SEMA5A: variants seen among roughly 807,000 people sequenced by gnomAD.
The protein encoded by SEMA5A is semaphorin 5A.
In SEMA5A, 55 loss-of-function variants were observed where a neutral mutation model predicts 135.5. The ratio of observed to expected loss-of-function variants is 0.41; its 90% confidence interval spans 0.33 to 0.51. The LOEUF (loss-of-function observed/expected upper bound fraction) is 0.51. Among genes scored for constraint, SEMA5A ranks in the 20% least tolerant of loss-of-function variants. The pLI is 0.37. For synonymous variants in SEMA5A, 580 were observed against 546.5 expected, an observed-to-expected ratio of 1.06 and a Z score of -0.85; for missense variants, 1,290 against 1,419.9, an observed-to-expected ratio of 0.91 and a Z score of 1.47.
rs867182134 is a variant in SEMA5A, at chr5:9,257,759, G to A, written c.271-19869C>T. On this transcript the variant is annotated intron_variant, in intron 5 of 22. Transcript: ENST00000382496. Reference sequence around the variant, plus strand: ...CCACCATTACATGCATCAAGGTGGTGGTCAGGGCTTGCAGATGTTTTATTA... The same window carrying A: ...CCACCATTACATGCATCAAGGTGGTAGTCAGGGCTTGCAGATGTTTTATTA... 2.0e-5 allele frequency among the ~76,000 whole-genome samples: 3 copies of A among 152,186 alleles called. No homozygotes were observed. The South Asian group carries it at 6.2e-4, about 32-fold the overall frequency.
intron 5 of SEMA5A, among the ~76,000 whole-genome samples, chr5:9,265,853 C>G (rs1805920): frequency 0.41 from 61,989 of 151,900 alleles, 12,906 homozygotes; most frequent in South Asian, 0.47. Flanking sequence ...AAGGGCTCAG[C>G]AGGCACACCG....
chr5:9,539,428 G>T (rs6881628), intron 1 of SEMA5A, among the ~76,000 whole-genome samples: 124,648 of 152,152 alleles, frequency 0.82, 51,106 homozygotes, highest in Middle Eastern at 0.85. Context: ...GGAAATATAA[G>T]AAAAAGCCTG....
chr5:9,286,871 G>A (rs1169269465), intron 5 of SEMA5A, among the ~76,000 whole-genome samples: 1 of 152,248 alleles, frequency 6.6e-6, no homozygotes, highest in Non-Finnish European at 1.5e-5. Flanking sequence ...AGTCCCCTGA[G>A]ATCTTGGCCT....
intron 8 of SEMA5A, among the ~76,000 whole-genome samples, chr5:9,221,678 T>C (rs1579648105): frequency 6.6e-6 from 1 of 152,018 alleles, no homozygotes; most frequent in East Asian, 1.9e-4. Flanking sequence ...AGAAAGATAA[T>C]GGATAAGGCA....
At chr5:9,432,485 A>T (rs1316172926) in intron 2 of SEMA5A, among the ~76,000 whole-genome samples, 1 of 152,142 alleles carries the variant, frequency 6.6e-6, no homozygotes, top group East Asian at 1.9e-4. Flanking sequence ...TGTCTAGTTT[A>T]AACCCCTCAT....
At chr5:9,291,671 A>T (rs1399002406) in intron 5 of SEMA5A, among the ~76,000 whole-genome samples, 2 of 151,884 alleles carry the variant, frequency 1.3e-5, no homozygotes, top group East Asian at 3.9e-4. Flanking sequence ...AGTCCCTGTG[A>T]GTGGATCAAC....
chr5:9,111,102 A>C (rs1460534404), intron 15 of SEMA5A, among the ~76,000 whole-genome samples: 1 of 152,208 alleles, frequency 6.6e-6, no homozygotes, highest in Non-Finnish European at 1.5e-5. Context: ...ATTTTGAGGA[A>C]GTCAAGAAAA....
intron 13 of SEMA5A, among the ~76,000 whole-genome samples, chr5:9,135,220 G>A (rs986191260): frequency 2.9e-5 from 4 of 136,318 alleles, no homozygotes; most frequent in Non-Finnish European, 3.0e-5. Context: ...TCGCTCTGTC[G>A]CCCAGGCTGG....
At chr5:9,499,852 A>C (rs533811518) in intron 1 of SEMA5A, among the ~76,000 whole-genome samples, 22 of 152,220 alleles carry the variant, frequency 1.4e-4, no homozygotes, top group Non-Finnish European at 2.9e-4. Flanking sequence ...CAGAGCACAG[A>C]AGTGCTTCCA....
chr5:9,500,705 T>C (rs905590529), intron 1 of SEMA5A, among the ~76,000 whole-genome samples: 1 of 152,200 alleles, frequency 6.6e-6, no homozygotes, highest in Admixed American at 6.5e-5. Context: ...ATATAGGGTA[T>C]ACTTATACTG....
At chr5:9,198,529 A>T (rs1457780525) in intron 9 of SEMA5A, among the ~76,000 whole-genome samples, 1 of 152,202 alleles carries the variant, frequency 6.6e-6, no homozygotes, top group Non-Finnish European at 1.5e-5. Context: ...TCAGGAGAGC[A>T]GACAGTAAAC....
At chr5:9,391,039 C>G (rs1224528875) in intron 2 of SEMA5A, 1 of 152,200 alleles carries the variant, frequency 6.6e-6, no homozygotes, top group African/African-American at 2.4e-5. Flanking sequence ...TTGCTGTCCT[C>G]TCACTTCTAC....
At chr5:9,530,598 T>C (rs1246803479) in intron 1 of SEMA5A, among the ~76,000 whole-genome samples, 1 of 152,208 alleles carries the variant, frequency 6.6e-6, no homozygotes, top group African/African-American at 2.4e-5. Context: ...TTATTCTGGT[T>C]CACAAGCCCT....
At chr5:9,275,786 T>A (rs1383698479) in intron 5 of SEMA5A, among the ~76,000 whole-genome samples, 1 of 152,146 alleles carries the variant, frequency 6.6e-6, no homozygotes, top group African/African-American at 2.4e-5. Context: ...TTCAACAATG[T>A]TCATGCTAAA....
chr5:9,529,386 T>C (rs1737321257), intron 1 of SEMA5A, among the ~76,000 whole-genome samples: 1 of 152,240 alleles, frequency 6.6e-6, no homozygotes, highest in South Asian at 2.1e-4. Context: ...CCTGCCCCTG[T>C]GGGAAGCCAA....
chr5:9,150,971 C>T (rs1027700962), intron 12 of SEMA5A, among the ~76,000 whole-genome samples: 4 of 152,144 alleles, frequency 2.6e-5, no homozygotes, highest in African/African-American at 9.7e-5. Flanking sequence ...GCAGAAACAA[C>T]CAGTAATACA....
At chr5:9,347,711 T>C (rs1753938323) in intron 3 of SEMA5A, among the ~76,000 whole-genome samples, 1 of 152,186 alleles carries the variant, frequency 6.6e-6, no homozygotes, top group Admixed American at 6.5e-5. Context: ...CAGCTGGTGA[T>C]CAAGGCTGCT....
chr5:9,167,213 C>T (rs1223769646), intron 11 of SEMA5A, among the ~76,000 whole-genome samples: 1 of 152,148 alleles, frequency 6.6e-6, no homozygotes, highest in Non-Finnish European at 1.5e-5. Flanking sequence ...TTTGTTAGCT[C>T]GTTATGAGCT....
chr5:9,411,240 T>C (rs928980680), intron 2 of SEMA5A, among the ~76,000 whole-genome samples: 14 of 152,202 alleles, frequency 9.2e-5, no homozygotes, highest in Admixed American at 2.0e-4. Flanking sequence ...CAGAGTTTAG[T>C]AAGTCTTCTT....
Sources: gnomAD v4.1 joint callset for allele counts (sites outside exome capture counted in the v4.1 genomes callset) on GRCh38, gnomAD v4.1.1 for gene constraint, MANE v1.5 for transcripts, NCBI Gene and HGNC (gene_info 2026-07-23, HGNC 2026-07-21) for gene names.